CLSPN: variants seen among roughly 807,000 people sequenced by gnomAD.
CLSPN encodes claspin, also known as claspin homolog.
CLSPN carries 85 observed loss-of-function variants against 156.3 expected under a neutral mutation model. The ratio of observed to expected loss-of-function variants is 0.54; its 90% CI spans 0.46 to 0.65. The LOEUF (loss-of-function observed/expected upper bound fraction) is 0.65, where lower values mean the gene tolerates loss of function less well. Among genes scored for constraint, CLSPN ranks in the 30% least tolerant of loss-of-function variants. The pLI, the probability that CLSPN is intolerant of heterozygous loss-of-function variation, is 0.00. For synonymous variants in CLSPN, 534 were observed against 542.4 expected (o/e 0.98, Z 0.22); for missense variants, 1,407 against 1,554.9 (o/e 0.90, Z 1.60).
chr1:35,741,123 TA>T (rs1641674957), intron 18 of CLSPN, among the ~76,000 whole-genome samples: 1 of 152,132 alleles, frequency 6.6e-6, no homozygotes, highest in Non-Finnish European at 1.5e-5. Flanking sequence ...AAACTTTTTT[TA>T]ACATCATAGG....
chr1:35,736,453 T>C lies in CLSPN; in HGVS notation c.*43A>G. 2 of 1,536,192 alleles carry C rather than the reference T, an allele frequency of 1.3e-6. No individual in the cohort carries two copies. The highest frequency in any genetic ancestry group is 2.3e-5 in the East Asian group (1 of 43,006). Reference sequence around the variant, plus strand: ...ATTCCAACTTTCAGTGCTAGAAACTTCTCAAAGCAGTCTCAATGTAGATTT... The same window carrying C: ...ATTCCAACTTTCAGTGCTAGAAACTCCTCAAAGCAGTCTCAATGTAGATTT... On this transcript the variant is annotated 3_prime_UTR_variant, in exon 25 of 25. Transcript: ENST00000318121.
At chr1:35,725,588 A>G (rs1641163802) in intron 24 of CLSPN, among the ~76,000 whole-genome samples, 2 of 150,140 alleles carry the variant, frequency 1.3e-5, no homozygotes, top group South Asian at 4.3e-4. Flanking sequence ...AGGGCACTGT[A>G]TCAGCACAGC....
At chr1:35,767,591 AAAT>A (rs1642717659) in intron 1 of CLSPN, among the ~76,000 whole-genome samples, 1 of 152,248 alleles carries the variant, frequency 6.6e-6, no homozygotes, top group Non-Finnish European at 1.5e-5. Flanking sequence ...TTCATGCACG[AAAT>A]TATTTTAAAA....
rs1275693523 is a variant in CLSPN, at chr1:35,753,766, C to T, written c.1750G>A (p.Gly584Arg). The T allele has an allele frequency of 1.2e-6, 2 of 1,614,200 alleles. No homozygotes were observed. The highest frequency in any genetic ancestry group is 1.7e-5 in the Admixed American group (1 of 60,020). The change falls in exon 9 of 25, where the codon GGA (glycine) becomes AGA (arginine). Residue 584 changes from glycine to arginine, a missense_variant. Coordinates refer to ENST00000318121, the MANE Select transcript of CLSPN (RefSeq NM_022111.4). ...ATACCTGGTTTTGTGTGGCTTGCTC[C>T]ATCCAACTTCTTAGGTGCTAAAGTC... ...PVTLAPKKLDGASHTKPGEKL... is the reference protein window; with the variant it reads ...PVTLAPKKLDRASHTKPGEKL...
chr1:35,769,783 C>A, intron 1 of CLSPN, 64 bp downstream of exon 1: 1 of 1,506,542 alleles, frequency 6.6e-7, no homozygotes, highest in Admixed American at 2.1e-5. Context: ...TCTACCCCGG[C>A]CCCACCTAAC....
At chr1:35,769,051 G>A (rs745838657) in intron 1 of CLSPN, among the ~76,000 whole-genome samples, 19 of 152,192 alleles carry the variant, frequency 1.2e-4, no homozygotes, top group Non-Finnish European at 2.4e-4. Flanking sequence ...AGGCAAGGTC[G>A]TGCAAATGAC....
intron 24 of CLSPN, chr1:35,721,076 A>G (rs1475702884): frequency 5.1e-6 from 4 of 788,608 alleles, no homozygotes; most frequent in South Asian, 3.7e-5. Flanking sequence ...ATCTAAACTT[A>G]TAGTTTTGTA....
At chr1:35,759,903 G>A (rs527959989) in intron 8 of CLSPN, among the ~76,000 whole-genome samples, 19 of 143,824 alleles carry the variant, frequency 1.3e-4, no homozygotes, top group African/African-American at 3.4e-4. Flanking sequence ...GTGCAGTCTC[G>A]GCTCACTGCA....
intron 8 of CLSPN, among the ~76,000 whole-genome samples, chr1:35,758,164 T>A (rs1642340437): frequency 6.6e-6 from 1 of 150,380 alleles, no homozygotes; most frequent in Non-Finnish European, 1.5e-5. Flanking sequence ...TGAAAGATAA[T>A]TTTTTTGTGT....
intron 18 of CLSPN, among the ~76,000 whole-genome samples, chr1:35,741,159 A>G (rs1207003673): frequency 6.6e-6 from 1 of 152,214 alleles, no homozygotes; most frequent in African/African-American, 2.4e-5. Context: ...TATGCTAAGT[A>G]GAAAAAAAAA....
At chr1:35,731,534 C>T (rs911271732), downstream of CLSPN, among the ~76,000 whole-genome samples, 3 of 152,066 alleles carry the variant, frequency 2.0e-5, no homozygotes, top group Admixed American at 6.6e-5. Flanking sequence ...ACATAAAGGT[C>T]GCCTCTGGCT....
chr1:35,752,582 GAAAAAAAAAAA>G (rs58271996), intron 9 of CLSPN, among the ~76,000 whole-genome samples: 3 of 67,900 alleles, frequency 4.4e-5, no homozygotes, highest in African/African-American at 1.5e-4. Context: ...TGTCTTAGAG[GAAAAAAAAAAA>G]AAAAAAAAAA....
chr1:35,735,214 G>A lies in CLSPN; in HGVS notation c.*1282C>T. On this transcript the variant is annotated 3_prime_UTR_variant, in exon 25 of 25. Transcript: ENST00000318121. The stretch of plus-strand genomic sequence containing the variant: ...AGACTGTGGTGGACAAACACTGGGT[G>A]TAACACTTTATCTTCATCCCCAAGC... 2 of 985,450 alleles carry A rather than the reference G, an allele frequency of 2.0e-6. No homozygotes were observed. The highest frequency in any genetic ancestry group is 2.4e-6 in the Non-Finnish European group (2 of 829,940). 61.0% of individuals were successfully genotyped at this position (985,450 alleles called of 1,614,324 possible).
Position 35,749,629 on chromosome 1 carries a change from T to C in CLSPN, c.2207+4A>G. On this transcript the variant is annotated splice_donor_region_variant and intron_variant, in intron 11 of 24. Transcript: ENST00000318121. ...TTTAAGTTTTCTTAGAGAGAATCAC[T>C]TACCCCATCTTGGAAGAGCTGTCCT... 1.2e-6 allele frequency: 2 copies of C among 1,613,812 alleles called. No individual in the cohort carries two copies. The highest frequency in any genetic ancestry group is 1.7e-6 in the Non-Finnish European group (2 of 1,179,846).
chr1:35,737,300 G>A (rs962415871), intron 23 of CLSPN, 39 bp downstream of exon 23: 5 of 1,552,078 alleles, frequency 3.2e-6, no homozygotes, highest in Non-Finnish European at 4.4e-6. Flanking sequence ...TTTATAACCT[G>A]TAGACTATGA....
downstream of CLSPN, among the ~76,000 whole-genome samples, chr1:35,727,452 A>C (rs960566269): frequency 1.3e-5 from 2 of 152,324 alleles, no homozygotes; most frequent in Middle Eastern, 6.8e-3. Flanking sequence ...ACCCTGGAAG[A>C]CTGTCTGCAT....
chr1:35,752,775 G>A (rs1158382454), intron 9 of CLSPN, among the ~76,000 whole-genome samples: 10 of 152,046 alleles, frequency 6.6e-5, no homozygotes, highest in Non-Finnish European at 1.0e-4. Context: ...ACCTCATAGG[G>A]TTGTAAGGAT....
chr1:35,746,834 C>T lies in CLSPN; in HGVS notation c.2786G>A (p.Arg929Lys). The T allele has an allele frequency of 1.2e-6, 2 of 1,614,064 alleles. No individual in the cohort carries two copies. Among genetic ancestry groups the T allele is most frequent in the Non-Finnish European group, 8.5e-7 (1 of 1,179,982 alleles). ...FTSQAEKHLP[R>K]KSDKKENMEE... is the part of the protein sequence containing the mutation. ...CATGTTCTCTTTCTTGTCACTCTTCCTGGGTAGATGTTTTTCAGCCTGAGA... is the reference window on the plus strand; with the variant it reads ...CATGTTCTCTTTCTTGTCACTCTTCTTGGGTAGATGTTTTTCAGCCTGAGA... Residue 929 changes from arginine (R) to lysine (K), a missense_variant, in exon 15 of 25, where the codon AGG becomes AAG. This residue lies in a region of CLSPN where 1,096 missense variants were observed against 1,193.0 expected (regional missense o/e 0.92). Coordinates refer to ENST00000318121, the MANE Select transcript of CLSPN (RefSeq NM_022111.4). The surrounding 1 kb of genome is among the most constrained non-coding windows in gnomAD (Gnocchi z 4.2).
rs1642497736 is a variant in CLSPN, at chr1:35,762,048, C to T, written c.845G>A (p.Ser282Asn). 4 of 1,612,882 alleles carry T rather than the reference C, an allele frequency of 2.5e-6. No individual in the cohort carries two copies. Among genetic ancestry groups the T allele is most frequent in the Non-Finnish European group, 3.4e-6 (4 of 1,179,030 alleles). Residue 282 changes from serine (S) to asparagine (N), a missense_variant, in exon 6 of 25, where the codon AGT (serine) becomes AAT (asparagine). By Grantham distance (46) the Ser-to-Asn change is conservative. This residue lies in a region of CLSPN where 1,096 missense variants were observed against 1,193.0 expected (regional missense o/e 0.92). Transcript: ENST00000318121. ...TRKERKAARL[S>N]KEALKQLHSE... The stretch of plus-strand genomic sequence containing the variant: ...ATGCAGTTGTTTTAATGCTTCTTTA[C>T]TTAATCTGGCTGCCTTTCTTTCCTT...
Sources: gnomAD v4.1 joint callset for allele counts (sites outside exome capture counted in the v4.1 genomes callset) on GRCh38, gnomAD v4.1.1 for gene constraint, gnomAD v4.1.1 regional missense constraint, Gnocchi (gnomAD v3.1) non-coding constraint, MANE v1.5 for transcripts, NCBI Gene and HGNC (gene_info 2026-07-23, HGNC 2026-07-21) for gene names.